The following DCC variants were observed in gnomAD, a reference collection of about 807,000 sequenced individuals.
DCC encodes the protein DCC netrin 1 receptor.
A neutral mutation model predicts 172.5 loss-of-function variants in DCC; 58 were observed. The observed-to-expected ratio is 0.34, with a 90% CI of 0.27 to 0.42. The LOEUF (loss-of-function observed/expected upper bound fraction) is 0.42, where lower values mean the gene tolerates loss of function less well. DCC is among the 10% of genes least tolerant of loss of function. The probability of loss-of-function intolerance (pLI) is 1.00; values close to 1 mark genes in which losing one functional copy is unlikely to be tolerated. For missense variants in DCC, 1,740 were observed against 1,791.0 expected (o/e 0.97, Z 0.51); for synonymous variants, 709 against 644.5 (o/e 1.10, Z -1.52).
chr18:53,497,615 C>A (rs2046040265), intron 26 of DCC, among the ~76,000 whole-genome samples: 1 of 152,204 alleles, frequency 6.6e-6, no homozygotes, highest in African/African-American at 2.4e-5. Flanking sequence ...TAGAACCACA[C>A]TCACAAAAAT....
intron 2 of DCC, among the ~76,000 whole-genome samples, chr18:52,885,657 G>A (rs2039558190): frequency 6.6e-6 from 1 of 152,036 alleles, no homozygotes; most frequent in Admixed American, 6.6e-5. Context: ...ACCCCACTGT[G>A]GCCAAAGCTG....
chr18:53,161,107 T>G lies in DCC; in HGVS notation c.1418+3595T>G, dbSNP rs558178894. On this transcript the variant is annotated intron_variant, in intron 8 of 28. Transcript: ENST00000442544. ...TTGCTTCAATTTCACTTTTCTCTCCTCTACCACTCCATGCTCTGTTCTCTT... is the reference window on the plus strand; with the variant it reads ...TTGCTTCAATTTCACTTTTCTCTCCGCTACCACTCCATGCTCTGTTCTCTT... Among the ~76,000 whole-genome samples, 148 of 152,338 alleles carry G rather than the reference T, an allele frequency of 9.7e-4. 1 individual carries two copies. The highest frequency in any genetic ancestry group is 3.4e-3 in the African/African-American group (143 of 41,584).
At chr18:52,803,554 G>T (rs1339173240) in intron 2 of DCC, among the ~76,000 whole-genome samples, 1 of 151,966 alleles carries the variant, frequency 6.6e-6, no homozygotes. Flanking sequence ...AAATAGACTA[G>T]TACCTATATA....
intron 27 of DCC, among the ~76,000 whole-genome samples, chr18:53,519,821 G>A (rs566662969): frequency 1.3e-5 from 2 of 152,216 alleles, no homozygotes; most frequent in East Asian, 1.9e-4. Flanking sequence ...CATAGAAAAA[G>A]TCATCAAAAA....
At chr18:53,517,737 T>TAAG (rs201013773) in intron 27 of DCC, among the ~76,000 whole-genome samples, 2,307 of 151,998 alleles carry the variant, frequency 0.015, 72 homozygotes, top group African/African-American at 0.053. Context: ...TGAGGAGAAA[T>TAAG]AAGAAGGTTG....
At chr18:52,452,625 T>C (rs2144519858) in intron 1 of DCC, among the ~76,000 whole-genome samples, 1 of 152,254 alleles carries the variant, frequency 6.6e-6, no homozygotes, top group Non-Finnish European at 1.5e-5. Flanking sequence ...CAATACTGGG[T>C]TTTGCAATAA....
At chr18:52,743,905 G>T (rs151014514) in intron 1 of DCC, among the ~76,000 whole-genome samples, 1 of 152,310 alleles carries the variant, frequency 6.6e-6, no homozygotes, top group African/African-American at 2.4e-5. Flanking sequence ...TGGTGGTGTT[G>T]CACTTGGTCA....
At chr18:52,376,136 T>C (rs972291846) in intron 1 of DCC, among the ~76,000 whole-genome samples, 8 of 152,210 alleles carry the variant, frequency 5.3e-5, no homozygotes, top group African/African-American at 1.9e-4. Flanking sequence ...TTAACTGTCA[T>C]AGGGTGCTGT....
intron 10 of DCC, among the ~76,000 whole-genome samples, chr18:53,206,994 A>G (rs2055661638): frequency 6.6e-6 from 1 of 151,788 alleles, no homozygotes; most frequent in African/African-American, 2.4e-5. Flanking sequence ...TTTTCTTGCT[A>G]TCTTCAAGCT....
chr18:52,385,087 C>T (rs1256677649), intron 1 of DCC, among the ~76,000 whole-genome samples: 1 of 151,964 alleles, frequency 6.6e-6, no homozygotes, highest in Non-Finnish European at 1.5e-5. Context: ...ATAAAAAGTG[C>T]ATAGAGCAAA....
intron 12 of DCC, among the ~76,000 whole-genome samples, chr18:53,267,149 T>G (rs8093053): frequency 0.25 from 36,004 of 144,522 alleles, 4,730 homozygotes; most frequent in East Asian, 0.4. Flanking sequence ...TATATATATA[T>G]AGAGAGAGAG....
intron 1 of DCC, among the ~76,000 whole-genome samples, chr18:52,466,677 C>CT (rs1279827666): frequency 2.6e-5 from 4 of 152,096 alleles, no homozygotes; most frequent in Non-Finnish European, 5.9e-5. Context: ...TCAGTGATGA[C>CT]TTTTCTTCTT....
At chr18:53,417,679 G>C (rs1910398480) in intron 21 of DCC, among the ~76,000 whole-genome samples, 1 of 152,052 alleles carries the variant, frequency 6.6e-6, no homozygotes, top group Admixed American at 6.6e-5. Context: ...AAATAATAGA[G>C]AAAAAGATTA....
intron 2 of DCC, among the ~76,000 whole-genome samples, chr18:52,818,530 T>C (rs2038345953): frequency 6.6e-6 from 1 of 152,090 alleles, no homozygotes. Context: ...TGAATCCTAT[T>C]CATAGTTTTA....
At chr18:52,487,384 A>C (rs966846788) in intron 1 of DCC, among the ~76,000 whole-genome samples, 8 of 152,194 alleles carry the variant, frequency 5.3e-5, no homozygotes, top group Non-Finnish European at 1.2e-4. Context: ...AGTACCTAGA[A>C]GTGCTTCAGT....
chr18:52,873,500 C>G lies in DCC; in HGVS notation c.413-32544C>G, dbSNP rs142684869. 3.0e-3 allele frequency among the ~76,000 whole-genome samples: 463 copies of G among 152,300 alleles called. 3 individuals are homozygous for G. Among genetic ancestry groups the G allele is most frequent in the African/African-American group, 0.01 (426 of 41,544 alleles). The stretch of plus-strand genomic sequence containing the variant: ...TGGATTATAGCTTTAGCATATAAAA[C>G]CTTTTGGTCCTTCCAAACCATACGG... On this transcript the variant is annotated intron_variant, in intron 2 of 28. Transcript: ENST00000442544.
chr18:53,346,318 CTG>C (rs2057724524), intron 15 of DCC, among the ~76,000 whole-genome samples: 1 of 152,004 alleles, frequency 6.6e-6, no homozygotes, highest in South Asian at 2.1e-4. Flanking sequence ...CTTATTAAAT[CTG>C]TAAATTTATG....
At chr18:52,532,666 A>C (rs2032184025) in intron 1 of DCC, among the ~76,000 whole-genome samples, 1 of 152,052 alleles carries the variant, frequency 6.6e-6, no homozygotes, top group African/African-American at 2.4e-5. Flanking sequence ...AAGGGAACAA[A>C]TTTATTGTCC....
rs79193685 is a variant in DCC, at chr18:53,422,954, G to A, written c.3163+6798G>A. Among the ~76,000 whole-genome samples, 684 of 152,248 alleles carry A rather than the reference G, an allele frequency of 4.5e-3. 6 individuals are homozygous for A. Among genetic ancestry groups the A allele is most frequent in the African/African-American group, 0.014 (599 of 41,550 alleles). On this transcript the variant is annotated intron_variant, in intron 21 of 28. Coordinates refer to ENST00000442544, the MANE Select transcript of DCC (RefSeq NM_005215.4). ...TCACAGGTTCAATTCTGTAAATTAG[G>A]ACTGTGGTGAAACAGTAGTAGCAGA...
Sources: allele counts gnomAD v4.1 joint callset (sites outside exome capture counted in the v4.1 genomes callset), GRCh38; gene constraint gnomAD v4.1.1; transcripts MANE v1.5; gene names NCBI Gene and HGNC (gene_info 2026-07-23, HGNC 2026-07-21).